Variants in DHRS3 observed in about 807,000 individuals in gnomAD.
DHRS3 encodes short-chain dehydrogenase/reductase 3.
In DHRS3, 14 loss-of-function variants were observed where a neutral mutation model predicts 27.2. The observed-to-expected ratio is 0.52, with a 90% confidence interval of 0.34 to 0.81. DHRS3 has a LOEUF of 0.81. Among genes scored for constraint, DHRS3 ranks in the 30% least tolerant of loss-of-function variants. The pLI, the probability that DHRS3 is intolerant of heterozygous loss-of-function variation, is 0.01. For missense variants in DHRS3, 322 were observed against 406.2 expected, an observed-to-expected ratio of 0.79 and a Z score of 1.78; for synonymous variants, 165 against 175.9, an observed-to-expected ratio of 0.94 and a Z score of 0.49.
At chr1:12,572,566 GC>G (rs545189199) in intron 5 of DHRS3, among the ~76,000 whole-genome samples, 161 bp downstream of exon 5, 17 of 152,254 alleles carry the variant, frequency 1.1e-4, no homozygotes, top group African/African-American at 4.1e-4. Context: ...ACTCTAAGGG[GC>G]CCCGTGACTA....
intron 1 of DHRS3, among the ~76,000 whole-genome samples, chr1:12,584,783 G>A (rs1646677668): frequency 6.6e-6 from 1 of 152,218 alleles, no homozygotes. Context: ...TCAGACGGAG[G>A]TGAGGCTCTG....
In DHRS3 at chr1:12,594,639, C is replaced by T. The variant is rs1325978786; in HGVS notation, c.196-13973G>A. Among the ~76,000 whole-genome samples the T allele has an allele frequency of 3.3e-5, 5 of 152,086 alleles. No individual in the cohort carries two copies. Among genetic ancestry groups the T allele is most frequent in the Admixed American group, 6.5e-5 (1 of 15,272 alleles). On this transcript the variant is annotated intron_variant, in intron 1 of 5. Coordinates refer to ENST00000616661, the MANE Select transcript of DHRS3 (RefSeq NM_004753.7). The surrounding 1 kb of genome is among the most constrained non-coding windows in gnomAD (Gnocchi z 4.1). ...AGTGAAGGAGGGAGCGATACAGACG[C>T]GTGGAGGAAGAGCATCCCTGGTGGA...
At chr1:12,616,116 T>C (rs1646942557) in intron 1 of DHRS3, among the ~76,000 whole-genome samples, 1 of 152,262 alleles carries the variant, frequency 6.6e-6, no homozygotes, top group African/African-American at 2.4e-5. Context: ...TTTGGTTTTC[T>C]ACAGTACATA....
In DHRS3 at chr1:12,572,563, GGGGCCCCGTGAC is replaced by G. The variant is rs1468203312; in HGVS notation, c.824+153_824+164del. On this transcript the variant is annotated intron_variant, in intron 5 of 5. Transcript: ENST00000616661. ...TCCTCCATACTTTTTAAAACTCTAA[GGGGCCCCGTGAC>G]TAACAAGTTTGAGAACTGCTGCCCC... Among the ~76,000 whole-genome samples the G allele has an allele frequency of 3.9e-5, 6 of 152,270 alleles. No individual in the cohort carries two copies. In the East Asian group the frequency reaches 1.2e-3, roughly 29 times the overall value.
At chr1:12,600,921 G>T (rs2100707896) in intron 1 of DHRS3, among the ~76,000 whole-genome samples, 1 of 151,124 alleles carries the variant, frequency 6.6e-6, no homozygotes, top group East Asian at 1.9e-4. Flanking sequence ...CTCCTTGAAG[G>T]CAGAGATTTT....
chr1:12,603,756 T>G (rs536661882), intron 1 of DHRS3, among the ~76,000 whole-genome samples: 4 of 152,186 alleles, frequency 2.6e-5, no homozygotes, highest in Non-Finnish European at 5.9e-5. Context: ...AAAAGAGGAT[T>G]TAAGGCCACA....
rs141150291 is a variant in DHRS3, at chr1:12,586,607, C to A, written c.196-5941G>T. Among the ~76,000 whole-genome samples the A allele has an allele frequency of 1.2e-4, 19 of 152,272 alleles. No homozygotes were observed. The East Asian group carries it at 3.7e-3, about 29-fold the overall frequency. On this transcript the variant is annotated intron_variant, in intron 1 of 5. Coordinates refer to ENST00000616661, the MANE Select transcript of DHRS3 (RefSeq NM_004753.7). The surrounding 1 kb of genome is among the most constrained non-coding windows in gnomAD (Gnocchi z 5.0). ...CCAGAAAACAGTCAGTCACAAATGA[C>A]AGTAAGTGGGATAAAGAATAAACAA...
chr1:12,603,162 G>A (rs1646846968), intron 1 of DHRS3, among the ~76,000 whole-genome samples: 1 of 152,184 alleles, frequency 6.6e-6, no homozygotes, highest in African/African-American at 2.4e-5. Flanking sequence ...CACATCTGGG[G>A]TGGGAGTGTG....
At chr1:12,569,192 G>A in intron 5 of DHRS3, among the ~76,000 whole-genome samples, 2 of 107,966 alleles carry the variant, frequency 1.9e-5, no homozygotes. Context: ...ACTCCAGCCT[G>A]GGCGACAAGA....
At chr1:12,617,034 G>A (rs1646949041) in intron 1 of DHRS3, 120 bp downstream of exon 1, 4 of 1,201,510 alleles carry the variant, frequency 3.3e-6, no homozygotes, top group Non-Finnish European at 4.5e-6. Flanking sequence ...CGTGGGTGGC[G>A]CGGAGAAGTG....
intron 1 of DHRS3, among the ~76,000 whole-genome samples, chr1:12,587,118 A>C (rs2100680724): frequency 6.6e-6 from 1 of 151,940 alleles, no homozygotes; most frequent in African/African-American, 2.4e-5. Flanking sequence ...GCACTATTTG[A>C]ATAAGATAAT....
intron 1 of DHRS3, chr1:12,616,687 G>C (rs932467093): frequency 1.0e-6 from 1 of 1,003,860 alleles, no homozygotes. Flanking sequence ...TGTCTTCAGA[G>C]CTGCAGCCGC....
chr1:12,577,407 A>G (rs1475737009), intron 4 of DHRS3, among the ~76,000 whole-genome samples: 1 of 152,238 alleles, frequency 6.6e-6, no homozygotes, highest in South Asian at 2.1e-4. Context: ...AATGTCACAG[A>G]GTACATCACA....
chr1:12,577,000 C>T (rs77917653), intron 4 of DHRS3, among the ~76,000 whole-genome samples: 3,464 of 151,650 alleles, frequency 0.023, 66 homozygotes, highest in Non-Finnish European at 0.033. Context: ...CAATCAACAC[C>T]GCACTGTCCC....
In DHRS3 at chr1:12,583,470, A is replaced by G. The variant is rs529877154; in HGVS notation, c.196-2804T>C. Among the ~76,000 whole-genome samples, 3 of 119,184 alleles carry G rather than the reference A, an allele frequency of 2.5e-5. No homozygotes were observed. The East Asian group carries it at 8.0e-4, about 32-fold the overall frequency. 78.2% of individuals were successfully genotyped at this position (119,184 alleles called of 152,430 possible). A position where few individuals can be genotyped will look rare whatever the true frequency, so the allele number is the denominator to read the frequency against. ...CACTCACCTACTTATCCATCCATCC[A>G]TCCACCCATCCACTCACCTACTTAT... On this transcript the variant is annotated intron_variant, in intron 1 of 5. Transcript: ENST00000616661.
Position 12,617,452 on chromosome 1 carries a change from G to C in DHRS3, c.-104C>G. 1 of 1,213,584 alleles carries C rather than the reference G, an allele frequency of 8.2e-7. No homozygotes were observed. The highest frequency in any genetic ancestry group is 1.1e-6 in the Non-Finnish European group (1 of 897,384). The allele number at this position is 1,213,584 out of a possible 1,614,324, so 75.2% of individuals were successfully genotyped here. A position where few individuals can be genotyped will look rare whatever the true frequency, so the allele number is the denominator to read the frequency against. ...TAAATAGTAAACCGAATAAGGAGGA[G>C]AGAGGCGTCCCACCTGGCCACTCTT... On this transcript the variant is annotated 5_prime_UTR_variant, in exon 1 of 6. Coordinates refer to ENST00000616661, the MANE Select transcript of DHRS3 (RefSeq NM_004753.7).
At position 12,593,194 on chromosome 1, in the gene DHRS3, A is replaced by G. The variant is rs1471864492; in HGVS notation, c.196-12528T>C. 1.3e-5 allele frequency among the ~76,000 whole-genome samples: 2 copies of G among 152,084 alleles called. No homozygotes were observed. The highest frequency in any genetic ancestry group is 2.9e-5 in the Non-Finnish European group (2 of 68,008). Reference sequence around the variant, plus strand: ...GGAATCTAGTGTTTACTGGGATCGCAGGCCCTTCCTGGTCTGCCCCATCCC... The same window carrying G: ...GGAATCTAGTGTTTACTGGGATCGCGGGCCCTTCCTGGTCTGCCCCATCCC... On this transcript the variant is annotated intron_variant, in intron 1 of 5. Coordinates refer to ENST00000616661, the MANE Select transcript of DHRS3 (RefSeq NM_004753.7). The surrounding 1 kb of genome is among the most constrained non-coding windows in gnomAD (Gnocchi z 4.6).
intron 1 of DHRS3, among the ~76,000 whole-genome samples, chr1:12,612,763 T>G (rs1646918836): frequency 6.6e-6 from 1 of 152,078 alleles, no homozygotes; most frequent in African/African-American, 2.4e-5. Flanking sequence ...AGTGTCCTTA[T>G]AAGAAGATGA....
Position 12,586,268 on chromosome 1 carries a change from C to G in DHRS3, c.196-5602G>C, listed in dbSNP as rs571815274. On this transcript the variant is annotated intron_variant, in intron 1 of 5. Transcript: ENST00000616661. This position sits in a 1 kb window ranked among gnomAD's most constrained non-coding sequence, Gnocchi z 5.0. ...AAGGAGTTAAGTAACTCACCCCACG[C>G]CACCCACTGTGAAACAGGATTTGAA... is the stretch of plus-strand genomic sequence containing the variant. Among the ~76,000 whole-genome samples, 1 of 152,242 alleles carries G rather than the reference C, an allele frequency of 6.6e-6. No individual in the cohort carries two copies. Among genetic ancestry groups the G allele is most frequent in the Non-Finnish European group, 1.5e-5 (1 of 68,044 alleles).
Sources: allele counts gnomAD v4.1 joint callset (sites outside exome capture counted in the v4.1 genomes callset), GRCh38; gene constraint gnomAD v4.1.1; non-coding constraint Gnocchi (gnomAD v3.1); transcripts MANE v1.5; gene names NCBI Gene and HGNC (gene_info 2026-07-23, HGNC 2026-07-21).